The following GPHN variants were observed in gnomAD, a reference collection of about 807,000 sequenced individuals.
GPHN encodes the protein gephyrin.
In GPHN, 17 loss-of-function variants were observed where a neutral mutation model predicts 95.5. That is an observed-to-expected ratio of 0.18 (90% CI 0.12 to 0.27). GPHN has a LOEUF of 0.27. GPHN is among the 10% of genes least tolerant of loss of function. The pLI, the probability that GPHN is intolerant of heterozygous loss-of-function variation, is 1.00. For missense variants in GPHN, 660 were observed against 978.1 expected (o/e 0.67, Z 4.34); for synonymous variants, 320 against 322.5 (o/e 0.99, Z 0.08).
At chr14:67,405,487 C>G in the GPHN span, among the ~76,000 whole-genome samples, 2 of 152,128 alleles carry the variant, frequency 1.3e-5, no homozygotes, top group Non-Finnish European at 2.9e-5. Context: ...ACACCTACCC[C>G]ACCCAGTATG....
intron 2 of GPHN, among the ~76,000 whole-genome samples, chr14:66,739,939 A>C (rs367785627): frequency 2.0e-4 from 30 of 152,304 alleles, no homozygotes; most frequent in African/African-American, 6.7e-4. Context: ...GAAAATAATC[A>C]ATTAGAAATT....
At chr14:66,966,625 G>A (rs2069345085) in intron 9 of GPHN, among the ~76,000 whole-genome samples, 1 of 151,858 alleles carries the variant, frequency 6.6e-6, no homozygotes, top group African/African-American at 2.4e-5. Flanking sequence ...CAGTTTGACT[G>A]CATTAAAATC....
chr14:66,856,697 T>C (rs1310888694), intron 4 of GPHN, among the ~76,000 whole-genome samples: 1 of 152,028 alleles, frequency 6.6e-6, no homozygotes, highest in Non-Finnish European at 1.5e-5. Flanking sequence ...TGTGAAAATA[T>C]ATGTAGAAAT....
At chr14:67,715,747 G>T in the GPHN span, among the ~76,000 whole-genome samples, 1 of 152,186 alleles carries the variant, frequency 6.6e-6, no homozygotes, top group Admixed American at 6.5e-5. Context: ...ATTAAATTAG[G>T]ATATCTTAGA....
chr14:67,680,064 T>C, the GPHN span, among the ~76,000 whole-genome samples: 1 of 152,180 alleles, frequency 6.6e-6, no homozygotes, highest in Non-Finnish European at 1.5e-5. Context: ...TTGTTAGAAA[T>C]TCTCCAGCCC....
At chr14:66,882,024 AATT>A (rs1030400064) in intron 5 of GPHN, among the ~76,000 whole-genome samples, 15 of 151,844 alleles carry the variant, frequency 9.9e-5, no homozygotes, top group Non-Finnish European at 1.9e-4. Flanking sequence ...CCTTTTTAAA[AATT>A]ATTATTTTTA....
intron 1 of GPHN, among the ~76,000 whole-genome samples, chr14:66,600,267 T>G (rs2062170620): frequency 6.6e-6 from 1 of 152,138 alleles, no homozygotes; most frequent in African/African-American, 2.4e-5. Context: ...TTTATTTTAT[T>G]CAGGCACTGT....
In GPHN at chr14:67,021,445, T is replaced by C. The variant is rs535107988; in HGVS notation, c.964-2188T>C. Among the ~76,000 whole-genome samples, 90 of 152,218 alleles carry C rather than the reference T, an allele frequency of 5.9e-4. 3 individuals are homozygous for C. The highest frequency in any genetic ancestry group is 2.1e-3 in the African/African-American group (87 of 41,560). ...CACCAAAGCTGTTTGAAATATGTAG[T>C]TCTAAACTGAGGTGCCACAAAGCAA... On this transcript the variant is annotated intron_variant, in intron 9 of 22. Coordinates refer to ENST00000478722, the MANE Select transcript of GPHN (RefSeq NM_020806.5).
intron 5 of GPHN, among the ~76,000 whole-genome samples, chr14:66,883,638 T>C (rs2064037148): frequency 6.6e-6 from 1 of 152,064 alleles, no homozygotes; most frequent in Non-Finnish European, 1.5e-5. Flanking sequence ...CCTGTTAAAA[T>C]CCTTTGGGGA....
intron 2 of GPHN, among the ~76,000 whole-genome samples, chr14:66,734,788 C>T (rs761744782): frequency 6.6e-6 from 1 of 152,058 alleles, no homozygotes; most frequent in Non-Finnish European, 1.5e-5. Flanking sequence ...AACCATAATC[C>T]GTATTCACTC....
chr14:66,635,860 C>T (rs990458101), intron 1 of GPHN, among the ~76,000 whole-genome samples: 5 of 151,720 alleles, frequency 3.3e-5, no homozygotes, highest in Non-Finnish European at 4.4e-5. Flanking sequence ...GATTTTAGGC[C>T]GGGCACGGTG....
the GPHN span, chr14:67,573,429 C>A: frequency 6.1e-6 from 7 of 1,154,642 alleles, no homozygotes; most frequent in Non-Finnish European, 7.9e-6. This position sits in a 1 kb window ranked among gnomAD's most constrained non-coding sequence, Gnocchi z 4.8. Flanking sequence ...AAGGTCTCCA[C>A]ATCACACCCT....
chr14:67,246,709 G>A, the GPHN span, among the ~76,000 whole-genome samples: 1 of 138,172 alleles, frequency 7.2e-6, no homozygotes, highest in East Asian at 2.2e-4. Context: ...GGAGTGCAGT[G>A]GCACGATATC....
the GPHN span, chr14:67,611,301 C>T: frequency 6.6e-6 from 1 of 151,984 alleles, no homozygotes; most frequent in Non-Finnish European, 1.5e-5. Flanking sequence ...CACTCTGTCT[C>T]CCAGGCTGGA....
At chr14:67,302,819 A>C in the GPHN span, among the ~76,000 whole-genome samples, 1 of 143,184 alleles carries the variant, frequency 7.0e-6, no homozygotes, top group Non-Finnish European at 1.6e-5. Context: ...AATATAACTC[A>C]TTAATTCACT....
intron 1 of GPHN, among the ~76,000 whole-genome samples, chr14:66,614,759 T>TA (rs959440320): frequency 3.9e-5 from 6 of 152,072 alleles, no homozygotes; most frequent in Non-Finnish European, 5.9e-5. Flanking sequence ...TTATTTCTTG[T>TA]AAAAAAATGG....
chr14:66,947,323 A>G (rs1317324452), intron 8 of GPHN, among the ~76,000 whole-genome samples: 1 of 152,166 alleles, frequency 6.6e-6, no homozygotes, highest in Non-Finnish European at 1.5e-5. Flanking sequence ...CTGCCCACCT[A>G]AATTATGCCT....
intron 11 of GPHN, among the ~76,000 whole-genome samples, chr14:67,061,570 A>G (rs2075824583): frequency 6.6e-6 from 1 of 152,106 alleles, no homozygotes; most frequent in South Asian, 2.1e-4. Flanking sequence ...ATTTCTTCTA[A>G]TATTTTTGTT....
intron 4 of GPHN, among the ~76,000 whole-genome samples, chr14:66,870,951 A>C (rs1001867455): frequency 2.0e-5 from 3 of 152,196 alleles, no homozygotes; most frequent in African/African-American, 7.2e-5. Flanking sequence ...CAATAAACCA[A>C]TTCTATAAAA....
Sources: gnomAD v4.1 joint callset for allele counts (sites outside exome capture counted in the v4.1 genomes callset) on GRCh38, gnomAD v4.1.1 for gene constraint, Gnocchi (gnomAD v3.1) non-coding constraint, MANE v1.5 for transcripts, NCBI Gene and HGNC (gene_info 2026-07-23, HGNC 2026-07-21) for gene names.